Variants in DIPK1A observed in about 807,000 individuals in gnomAD.
DIPK1A encodes family with sequence similarity 69 member A.
A neutral mutation model predicts 40.8 loss-of-function variants in DIPK1A; 27 were observed. That is an observed-to-expected ratio of 0.66 (90% CI 0.49 to 0.91). The LOEUF is 0.91. Among genes scored for constraint, DIPK1A ranks in the 40% least tolerant of loss-of-function variants. The probability of loss-of-function intolerance (pLI) is 0.00; values close to 1 mark genes in which losing one functional copy is unlikely to be tolerated. For missense variants in DIPK1A, 412 were observed against 505.7 expected (o/e 0.81, Z 1.78); for synonymous variants, 166 against 171.3 (o/e 0.97, Z 0.24).
At chr1:92,883,141 T>C (rs1341001141) in intron 1 of DIPK1A, among the ~76,000 whole-genome samples, 4 of 152,180 alleles carry the variant, frequency 2.6e-5, no homozygotes, top group Admixed American at 1.3e-4. Context: ...CAGGCACATA[T>C]TGAAAGAGCT....
chr1:92,888,559 T>A (rs1357503404), intron 1 of DIPK1A, among the ~76,000 whole-genome samples: 2 of 152,226 alleles, frequency 1.3e-5, no homozygotes, highest in African/African-American at 4.8e-5. Context: ...AGTAGTGGAA[T>A]TTCTGGATCA....
intron 1 of DIPK1A, among the ~76,000 whole-genome samples, chr1:92,946,111 T>C (rs7515224): frequency 0.03 from 4,615 of 152,236 alleles, 202 homozygotes; most frequent in African/African-American, 0.1. Context: ...CTTGTAGTAA[T>C]GTGCTAAATA....
intron 2 of DIPK1A, among the ~76,000 whole-genome samples, chr1:92,872,151 C>T (rs1231351238): frequency 7.3e-6 from 1 of 136,944 alleles, no homozygotes; most frequent in African/African-American, 2.7e-5. Context: ...GTGATCTCAG[C>T]TCACTGCAAC....
At chr1:92,877,441 T>C (rs759635625) in intron 1 of DIPK1A, among the ~76,000 whole-genome samples, 1 of 152,208 alleles carries the variant, frequency 6.6e-6, no homozygotes, top group Non-Finnish European at 1.5e-5. Context: ...AGTAGGATAT[T>C]GTGAGCATTG....
intron 1 of DIPK1A, among the ~76,000 whole-genome samples, chr1:92,878,664 C>CA (rs1648233274): frequency 6.6e-6 from 1 of 152,024 alleles, no homozygotes; most frequent in Non-Finnish European, 1.5e-5. Context: ...ACTAAAAATA[C>CA]AAAAAATTAG....
intron 1 of DIPK1A, among the ~76,000 whole-genome samples, chr1:92,883,555 G>T (rs1648476012): frequency 6.6e-6 from 1 of 152,150 alleles, no homozygotes; most frequent in African/African-American, 2.4e-5. Flanking sequence ...GGACTATGTG[G>T]GTTGGATGGG....
intron 2 of DIPK1A, among the ~76,000 whole-genome samples, chr1:92,852,443 T>A (rs1378502077): frequency 6.6e-6 from 1 of 150,472 alleles, no homozygotes; most frequent in Non-Finnish European, 1.5e-5. Context: ...GAGGTTGCAG[T>A]GAGCCGAGAT....
rs1403177270 is a variant in DIPK1A, at chr1:92,876,430, C to T, written c.55G>A (p.Ala19Thr). 6.2e-7 allele frequency: 1 copy of T among 1,610,568 alleles called. No individual in the cohort carries two copies. The highest frequency in any genetic ancestry group is 1.3e-5 in the African/African-American group (1 of 74,744). ...AWLRKPYYLQ[A>T]RFSYVRMKYL... is the part of the protein sequence containing the mutation. ...TTCATCCGCACATATGAGAAGCGAG[C>T]CTGTGAGTAAAAAAGAACATAACGA... The change falls in exon 2 of 5, where the codon GCT becomes ACT. Residue 19 changes from alanine (A) to threonine (T), a missense_variant and splice_region_variant. Coordinates refer to ENST00000370310, the MANE Select transcript of DIPK1A (RefSeq NM_001006605.5).
At chr1:92,860,676 G>A (rs1048363838) in intron 2 of DIPK1A, among the ~76,000 whole-genome samples, 31 of 134,040 alleles carry the variant, frequency 2.3e-4, no homozygotes, top group Non-Finnish European at 1.6e-4. Flanking sequence ...CCCAGCTACT[G>A]GGGTGGCTGA....
At chr1:92,896,742 T>C (rs986662630) in intron 1 of DIPK1A, among the ~76,000 whole-genome samples, 17 of 152,090 alleles carry the variant, frequency 1.1e-4, no homozygotes, top group Non-Finnish European at 1.8e-4. Context: ...AGAAAATTTT[T>C]GCAATCTACT....
chr1:92,914,798 A>C (rs1649983200), intron 1 of DIPK1A, among the ~76,000 whole-genome samples: 1 of 144,094 alleles, frequency 6.9e-6, no homozygotes, highest in African/African-American at 2.6e-5. Context: ...GGAAGTAGGC[A>C]CTTAGGGCTG....
chr1:92,950,143 T>C (rs925976405), intron 1 of DIPK1A, among the ~76,000 whole-genome samples: 1 of 152,118 alleles, frequency 6.6e-6, no homozygotes. Flanking sequence ...CACTTCCTCT[T>C]TGAGTTGAGA....
chr1:92,866,967 G>A (rs1193946807), intron 2 of DIPK1A, among the ~76,000 whole-genome samples: 2 of 152,178 alleles, frequency 1.3e-5, no homozygotes, highest in Non-Finnish European at 2.9e-5. Flanking sequence ...ATGTGTGTGT[G>A]TGTGTCTTAT....
rs141153466 is a variant in DIPK1A, at chr1:92,846,646, TG to T, written c.474+536del. 3,303 of 403,700 alleles carry T rather than the reference TG, an allele frequency of 8.2e-3. 103 individuals carry two copies. The highest frequency in any genetic ancestry group is 0.066 in the African/African-American group (2,961 of 44,642). The allele number at this position is 403,700 out of a possible 1,614,324, so 25.0% of individuals were successfully genotyped here. On this transcript the variant is annotated intron_variant, in intron 4 of 4. Transcript: ENST00000370310. ...TTTCTTTTCTTTTTCTTTTTTTTTT[TG>T]AAACAGGGTCTCACTTTGTCGTCCA... is the stretch of plus-strand genomic sequence containing the variant.
chr1:92,960,316 G>T (rs866588489), intron 1 of DIPK1A, among the ~76,000 whole-genome samples: 1 of 152,244 alleles, frequency 6.6e-6, no homozygotes, highest in South Asian at 2.1e-4. Context: ...CTTGCCTCAT[G>T]ATGGTTACCT....
chr1:92,833,354 C>A, intron 4 of DIPK1A: 1 of 1,511,990 alleles, frequency 6.6e-7, no homozygotes, highest in Non-Finnish European at 9.2e-7. Flanking sequence ...TAGGCTAAGA[C>A]ATCAAAGTTT....
chr1:92,907,621 G>A (rs1184358789), intron 1 of DIPK1A, among the ~76,000 whole-genome samples: 1 of 151,578 alleles, frequency 6.6e-6, no homozygotes, highest in African/African-American at 2.4e-5. Flanking sequence ...TTATTTTTTT[G>A]TAGAGACAGG....
chr1:92,901,310 C>A (rs1216864979), intron 1 of DIPK1A, among the ~76,000 whole-genome samples: 1 of 151,802 alleles, frequency 6.6e-6, no homozygotes, highest in Non-Finnish European at 1.5e-5. Flanking sequence ...AGCAGGTGTT[C>A]AGAGCAGCTG....
At chr1:92,916,645 C>T (rs1324443241) in intron 1 of DIPK1A, among the ~76,000 whole-genome samples, 2 of 152,186 alleles carry the variant, frequency 1.3e-5, no homozygotes, top group Non-Finnish European at 2.9e-5. Context: ...ATACCACTTT[C>T]TGATTTTTCT....
Sources: gnomAD v4.1 joint callset for allele counts (sites outside exome capture counted in the v4.1 genomes callset) on GRCh38, gnomAD v4.1.1 for gene constraint, MANE v1.5 for transcripts, NCBI Gene and HGNC (gene_info 2026-07-23, HGNC 2026-07-21) for gene names.